Variants in SOAT1 observed in about 807,000 individuals in gnomAD.
SOAT1 encodes the protein acyl-coenzyme A:cholesterol acyltransferase 1.
SOAT1 carries 55 observed loss-of-function variants against 69.5 expected under a neutral mutation model. The observed-to-expected ratio is 0.79, with a 90% CI of 0.64 to 0.99. The LOEUF (loss-of-function observed/expected upper bound fraction) is 0.99, where lower values mean the gene tolerates loss of function less well. Among genes scored for constraint, SOAT1 ranks in the 50% least tolerant of loss-of-function variants. SOAT1 has a pLI of 0.00. For missense variants in SOAT1, 580 were observed against 669.3 expected (o/e 0.87, Z 1.47); for synonymous variants, 231 against 224.7 (o/e 1.03, Z -0.25).
Position 179,336,540 on chromosome 1 carries a change from C to T in SOAT1, c.329+883C>T, listed in dbSNP as rs547902412. ...TAGCCAACACTTGCTGAGTGCTCTA[C>T]ATGATGAATTCATTTAAACCAAACA... On this transcript the variant is annotated intron_variant, in intron 4 of 15. Transcript: ENST00000367619. Among the ~76,000 whole-genome samples the T allele has an allele frequency of 1.4e-4, 21 of 150,144 alleles. No homozygotes were observed. The South Asian group carries it at 1.9e-3, about 14-fold the overall frequency.
chr1:179,353,441 G>T, intron 15 of SOAT1, 144 bp from the exon 16 acceptor site: 1 of 706,662 alleles, frequency 1.4e-6, no homozygotes, highest in Non-Finnish European at 2.5e-6. Flanking sequence ...GAATTAGTGA[G>T]CTGCTTATAC....
Position 179,342,143 on chromosome 1 carries a change from T to C in SOAT1, c.810T>C (p.Phe270=). ...GTTTTGTAATGAAGGCCCACTCATT[T>C]GTCAGAGAGAACGTGCCTCGGGTAC... ...QIRFVMKAHS[F]VRENVPRVLN... Residue 270 remains phenylalanine (F), a synonymous_variant, in exon 8 of 16, where the codon TTT becomes TTC. Transcript: ENST00000367619. The C allele has an allele frequency of 1.9e-6, 3 of 1,613,752 alleles. No homozygotes were observed. The highest frequency in any genetic ancestry group is 2.5e-6 in the Non-Finnish European group (3 of 1,179,750).
intron 2 of SOAT1, among the ~76,000 whole-genome samples, chr1:179,316,598 G>A (rs1315448963): frequency 6.6e-6 from 1 of 152,058 alleles, no homozygotes; most frequent in Non-Finnish European, 1.5e-5. Context: ...TCTCCATGTT[G>A]GTCAGGCTGG....
rs373186281 is a variant in SOAT1, at chr1:179,299,734, C to A, written c.-8-2943C>A. On this transcript the variant is annotated intron_variant, in intron 1 of 15. Transcript: ENST00000367619. ...TTTAATCTGGCATTTATTTTTTAAT[C>A]ATTTTGCTATCTTTTTTTTTTTTTT... Among the ~76,000 whole-genome samples the A allele has an allele frequency of 2.2e-4, 26 of 117,220 alleles. 1 individual carries two copies. In the East Asian group the frequency reaches 5.2e-3, roughly 23 times the overall value. 76.9% of individuals were successfully genotyped at this position (117,220 alleles called of 152,430 possible).
At chr1:179,322,720 G>A (rs1665644761) in intron 2 of SOAT1, among the ~76,000 whole-genome samples, 1 of 152,160 alleles carries the variant, frequency 6.6e-6, no homozygotes, top group Non-Finnish European at 1.5e-5. Context: ...ACTAGTGAGG[G>A]GGTTATGATT....
At chr1:179,320,934 C>CT (rs1464077373) in intron 2 of SOAT1, among the ~76,000 whole-genome samples, 1 of 150,432 alleles carries the variant, frequency 6.6e-6, no homozygotes, top group African/African-American at 2.4e-5. Flanking sequence ...GAGATGGAGT[C>CT]TCATTCTGTC....
At chr1:179,300,713 G>A (rs1664805295) in intron 1 of SOAT1, among the ~76,000 whole-genome samples, 1 of 152,134 alleles carries the variant, frequency 6.6e-6, no homozygotes, top group Non-Finnish European at 1.5e-5. Context: ...TTAAAATAAT[G>A]TAATGAGTAT....
chr1:179,350,414 TC>T lies in SOAT1; in HGVS notation c.1434del (p.Phe479SerfsTer24). 1 of 1,613,968 alleles carries T rather than the reference TC, an allele frequency of 6.2e-7. No homozygotes were observed. Among genetic ancestry groups the T allele is most frequent in the Non-Finnish European group, 8.5e-7 (1 of 1,179,960 alleles). ...TTTTTCTATCCCGTGCTCTTCGTGCTCTTCATGTTCTTTGGAAGTAAGTATC... is the reference window on the plus strand; with the variant it reads ...TTTTTCTATCCCGTGCTCTTCGTGCTTTCATGTTCTTTGGAAGTAAGTATC... ...LSFFYPVLFV[L>X]FMFFGMAFNF... On this transcript the variant is annotated frameshift_variant, in exon 14 of 16. Coordinates refer to ENST00000367619, the MANE Select transcript of SOAT1 (RefSeq NM_003101.6). LOFTEE classifies it high-confidence loss of function.
chr1:179,302,831 A>C (rs756905742), intron 2 of SOAT1, 29 bp downstream of exon 2: 22 of 1,192,840 alleles, frequency 1.8e-5, no homozygotes, highest in Non-Finnish European at 2.5e-5. Context: ...TTTTTAGGTG[A>C]ATTAGTGAAA....
Position 179,354,547 on chromosome 1 carries a change from A to G in SOAT1, c.*906A>G, listed in dbSNP as rs1666847226. On this transcript the variant is annotated 3_prime_UTR_variant, in exon 16 of 16. Transcript: ENST00000367619. ...AAATATCCTTTGGAACAATTATTTT[A>G]TTGTCTAATAAATATTGACTTCTCT... The G allele has an allele frequency of 6.6e-6, 1 of 152,158 alleles. No individual in the cohort carries two copies. Among genetic ancestry groups the G allele is most frequent in the African/African-American group, 2.4e-5 (1 of 41,452 alleles). 9.4% of individuals were successfully genotyped at this position (152,158 alleles called of 1,614,324 possible).
intron 6 of SOAT1, among the ~76,000 whole-genome samples, chr1:179,340,341 G>C (rs887858167): frequency 6.6e-6 from 1 of 152,086 alleles, no homozygotes; most frequent in Admixed American, 6.5e-5. Context: ...AATTAGCTGG[G>C]CGTGGTGGCA....
At chr1:179,323,621 G>A in intron 3 of SOAT1, 126 bp downstream of exon 3, 2 of 759,920 alleles carry the variant, frequency 2.6e-6, no homozygotes, top group Admixed American at 2.6e-5. Flanking sequence ...GTTATCCTGT[G>A]GAACAAGAAA....
intron 2 of SOAT1, among the ~76,000 whole-genome samples, chr1:179,319,928 T>C (rs1665535140): frequency 6.6e-6 from 1 of 152,170 alleles, no homozygotes; most frequent in East Asian, 1.9e-4. Context: ...TTTGTCTTTT[T>C]AATGTTGAGT....
chr1:179,311,882 A>C (rs1030988761), intron 2 of SOAT1, among the ~76,000 whole-genome samples: 1 of 152,252 alleles, frequency 6.6e-6, no homozygotes. Flanking sequence ...TAATTGACTC[A>C]GTGGGTTGAA....
At chr1:179,310,607 C>T (rs971582164) in intron 2 of SOAT1, among the ~76,000 whole-genome samples, 37 of 152,150 alleles carry the variant, frequency 2.4e-4, no homozygotes, top group African/African-American at 7.7e-4. Context: ...TTGACTCTTT[C>T]AAGAAATACT....
At chr1:179,335,784 T>C in intron 4 of SOAT1, 127 bp downstream of exon 4, 1 of 844,664 alleles carries the variant, frequency 1.2e-6, no homozygotes. Flanking sequence ...TGTGTTACAT[T>C]GGGAAAGTTA....
At chr1:179,316,513 T>C (rs1020905066) in intron 2 of SOAT1, among the ~76,000 whole-genome samples, 3 of 152,086 alleles carry the variant, frequency 2.0e-5, no homozygotes, top group African/African-American at 7.2e-5. Context: ...ACTCCTGCCT[T>C]AGCCTCTTGA....
chr1:179,321,872 CCTTCTTTTTTT>C (rs1344273958), intron 2 of SOAT1, among the ~76,000 whole-genome samples: 12 of 151,352 alleles, frequency 7.9e-5, no homozygotes, highest in African/African-American at 2.7e-4. Flanking sequence ...CTTATGTTTT[CCTTCTTTTTTT>C]CTTTCCTTTT....
Position 179,302,800 on chromosome 1 carries a change from A to C in SOAT1, c.116A>C (p.Asn39Thr). The change falls in exon 2 of 16, where the codon AAT (asparagine) becomes ACT (threonine). Residue 39 changes from asparagine to threonine, a missense_variant and splice_region_variant. Coordinates refer to ENST00000367619, the MANE Select transcript of SOAT1 (RefSeq NM_003101.6). ...PAKESLETPS[N>T]GRIDIKQLIA... ...AAGGAGTCCCTAGAGACACCTAGTA[A>C]TGGTGAGGCTTAATTTTTTTTTTTT... 1 of 1,554,798 alleles carries C rather than the reference A, an allele frequency of 6.4e-7. No homozygotes were observed.
Sources: allele counts gnomAD v4.1 joint callset (sites outside exome capture counted in the v4.1 genomes callset), GRCh38; gene constraint gnomAD v4.1.1; transcripts MANE v1.5; gene names NCBI Gene and HGNC (gene_info 2026-07-23, HGNC 2026-07-21).